Variants in UBE4A observed in about 807,000 individuals in gnomAD.
The protein encoded by UBE4A is ubiquitination factor E4A.
UBE4A carries 48 observed loss-of-function variants against 117.9 expected under a neutral mutation model. The ratio of observed to expected loss-of-function variants is 0.41; its 90% CI spans 0.32 to 0.52. The LOEUF (loss-of-function observed/expected upper bound fraction) is 0.52, where lower values mean the gene tolerates loss of function less well. UBE4A is among the 20% of genes least tolerant of loss of function. UBE4A has a pLI of 0.33. For synonymous variants in UBE4A, 407 were observed against 450.0 expected (o/e 0.90, Z 1.21); for missense variants, 1,067 against 1,296.3 (o/e 0.82, Z 2.72).
chr11:118,386,313 T>C, intron 15 of UBE4A, 125 bp from the exon 16 acceptor site: 1 of 1,049,558 alleles, frequency 9.5e-7, no homozygotes, highest in East Asian at 2.9e-5. Flanking sequence ...TAAAGGCTCA[T>C]GTCTTTTACA....
At chr11:118,386,955 A>G (rs1210342100) in intron 16 of UBE4A, among the ~76,000 whole-genome samples, 2 of 152,222 alleles carry the variant, frequency 1.3e-5, no homozygotes, top group African/African-American at 2.4e-5. Flanking sequence ...CTGGTTAAAT[A>G]TGGTGGATCT....
intron 4 of UBE4A, among the ~76,000 whole-genome samples, chr11:118,370,423 C>G (rs763847128): frequency 6.6e-6 from 1 of 152,024 alleles, no homozygotes; most frequent in Non-Finnish European, 1.5e-5. Context: ...CAGGAGTTAC[C>G]AGCCCTGGCA....
intron 1 of UBE4A, among the ~76,000 whole-genome samples, chr11:118,362,386 A>G (rs1396925832): frequency 6.6e-6 from 1 of 152,154 alleles, no homozygotes; most frequent in African/African-American, 2.4e-5. Flanking sequence ...GGCCTCTCAA[A>G]GTGCTGGGAT....
intron 1 of UBE4A, among the ~76,000 whole-genome samples, chr11:118,364,445 A>G (rs573014492): frequency 1.3e-5 from 2 of 152,278 alleles, no homozygotes; most frequent in East Asian, 1.9e-4. Context: ...AGAAATAAAT[A>G]GATTGCTTAA....
chr11:118,369,624 G>T, intron 4 of UBE4A, 89 bp downstream of exon 4: 7 of 789,364 alleles, frequency 8.9e-6, no homozygotes, highest in South Asian at 1.7e-5. Flanking sequence ...TTATGCTTGT[G>T]TCCATATGTC....
chr11:118,381,456 G>A lies in UBE4A; in HGVS notation c.1942G>A (p.Glu648Lys), dbSNP rs200629262. 64 of 1,613,968 alleles carry A rather than the reference G, an allele frequency of 4.0e-5. No homozygotes were observed. Among genetic ancestry groups the A allele is most frequent in the Non-Finnish European group, 5.2e-5 (61 of 1,180,016 alleles). Residue 648 changes from glutamate to lysine, a missense_variant, in exon 12 of 20, where the codon GAG becomes AAG. By Grantham distance (56) the Glu-to-Lys change is moderately conservative. Around this residue, in one of 3 missense-constraint regions of UBE4A, gnomAD observed 1,001 missense variants for 1,184.0 expected, o/e 0.85. Coordinates refer to ENST00000252108, the MANE Select transcript of UBE4A (RefSeq NM_001204077.2). The stretch of plus-strand genomic sequence containing the variant: ...CCGCCGCTTTGCCGATGACATTTTG[G>A]AGACATCAGCAGATTCCCTGGAGCA... The part of the protein sequence containing the change: ...FLRRFADDIL[E>K]TSADSLEHVL...
chr11:118,376,838 C>A, intron 10 of UBE4A, 144 bp downstream of exon 10: 1 of 1,006,056 alleles, frequency 9.9e-7, no homozygotes, highest in Non-Finnish European at 1.4e-6. Flanking sequence ...TTGCTTGAGG[C>A]CAGAAGTTTA....
chr11:118,365,350 T>C, intron 2 of UBE4A, 149 bp downstream of exon 2: 2 of 1,231,450 alleles, frequency 1.6e-6, no homozygotes, highest in South Asian at 1.7e-5. Context: ...GAAATTGGGG[T>C]TTTTTGTTTG....
chr11:118,390,905 G>A (rs983375960), intron 18 of UBE4A, 101 bp downstream of exon 18: 3 of 1,469,886 alleles, frequency 2.0e-6, no homozygotes, highest in Non-Finnish European at 2.8e-6. Flanking sequence ...AAGAGCCTAA[G>A]GCTAGAGGAT....
rs752449800 is a variant in UBE4A at position 118,373,236 on chromosome 11, A to G, written c.872A>G (p.Tyr291Cys). 9.9e-6 allele frequency: 16 copies of G among 1,613,518 alleles called. No homozygotes were observed. The Admixed American group carries it at 1.7e-4, about 17-fold the overall frequency. Residue 291 changes from tyrosine to cysteine, a missense_variant, in exon 7 of 20, where the codon TAT becomes TGT. By Grantham distance (194) the Tyr-to-Cys change is radical. Transcript: ENST00000252108. The stretch of plus-strand genomic sequence containing the variant: ...CTAGAGCTCTGTCAGATCCTTTTGT[A>G]TGCATATCTGGATATTCTTCTCTAT... The part of the protein sequence containing the change: ...KDLELCQILL[Y>C]AYLDILLYFT...
intron 11 of UBE4A, among the ~76,000 whole-genome samples, chr11:118,380,607 TAAC>T (rs1555126184): frequency 2.0e-5 from 3 of 151,984 alleles, no homozygotes; most frequent in South Asian, 2.1e-4. Context: ...ATTAATAAAA[TAAC>T]AACAACAACT....
intron 11 of UBE4A, among the ~76,000 whole-genome samples, chr11:118,380,439 A>G (rs1186023023): frequency 3.3e-5 from 5 of 151,924 alleles, no homozygotes; most frequent in African/African-American, 1.2e-4. Context: ...AAAATTAGCC[A>G]GGCATGGTGG....
chr11:118,395,329 CAGAAA>C (rs1277703622), intron 19 of UBE4A, among the ~76,000 whole-genome samples: 1 of 139,808 alleles, frequency 7.2e-6, no homozygotes, highest in East Asian at 2.0e-4. Flanking sequence ...GACTCCATCT[CAGAAA>C]AAAAAAAAAA....
chr11:118,376,891 CAAA>C (rs879969266), intron 10 of UBE4A, among the ~76,000 whole-genome samples, 197 bp downstream of exon 10: 1 of 142,774 alleles, frequency 7.0e-6, no homozygotes, highest in African/African-American at 2.6e-5. Context: ...CCATCTCTAC[CAAA>C]AAAAAAAAAT....
chr11:118,369,246 C>T (rs966693015), intron 3 of UBE4A, among the ~76,000 whole-genome samples, 177 bp from the exon 4 acceptor site: 1 of 152,108 alleles, frequency 6.6e-6, no homozygotes, highest in African/African-American at 2.4e-5. Flanking sequence ...ATCCCATTCT[C>T]TGTGACTAGA....
rs1555127957 is a variant in UBE4A at position 118,389,915 on chromosome 11, A to G, written c.2768+10A>G. 2 of 1,562,174 alleles carry G rather than the reference A, an allele frequency of 1.3e-6. No homozygotes were observed. Among genetic ancestry groups the G allele is most frequent in the Non-Finnish European group, 1.8e-6 (2 of 1,141,974 alleles). ...TCTACTTAAATCTTGGGTACCTGAG[A>G]TTGAAATCTGTCAAGCCAGAGGGGA... On this transcript the variant is annotated intron_variant, in intron 17 of 19. Coordinates refer to ENST00000252108, the MANE Select transcript of UBE4A (RefSeq NM_001204077.2).
intron 11 of UBE4A, among the ~76,000 whole-genome samples, chr11:118,380,379 T>G (rs1217052298): frequency 1.3e-5 from 2 of 151,792 alleles, no homozygotes; most frequent in African/African-American, 4.8e-5. Flanking sequence ...GCCCAGGAGT[T>G]CAAGATTGGC....
intron 19 of UBE4A, among the ~76,000 whole-genome samples, chr11:118,396,094 A>G (rs1185469): frequency 8.0e-5 from 11 of 136,820 alleles, no homozygotes; most frequent in East Asian, 2.1e-4. Flanking sequence ...GACTGTCTCC[A>G]AAAAAAAAAA....
At chr11:118,368,391 T>C (rs1948582062) in intron 2 of UBE4A, among the ~76,000 whole-genome samples, 1 of 152,234 alleles carries the variant, frequency 6.6e-6, no homozygotes, top group African/African-American at 2.4e-5. Flanking sequence ...TTTCTGGCAG[T>C]GTGGAGTATA....
Sources: allele counts gnomAD v4.1 joint callset (sites outside exome capture counted in the v4.1 genomes callset), GRCh38; gene constraint gnomAD v4.1.1; regional missense constraint gnomAD v4.1.1; transcripts MANE v1.5; gene names NCBI Gene and HGNC (gene_info 2026-07-23, HGNC 2026-07-21).